Variants in ARL6IP6 observed in about 807,000 individuals in gnomAD.
ARL6IP6 encodes the protein ARF like GTPase 6 interacting protein 6.
Under a neutral mutation model 21.5 loss-of-function variants are expected in ARL6IP6, and 22 were observed. The ratio of observed to expected loss-of-function variants is 1.02; its 90% CI spans 0.73 to 1.46. ARL6IP6 has a LOEUF of 1.46. Among genes scored for constraint, ARL6IP6 ranks in the 40% most tolerant of loss-of-function variants. The pLI, the probability that ARL6IP6 is intolerant of heterozygous loss-of-function variation, is 0.00. For missense variants in ARL6IP6, 388 were observed against 299.8 expected, an observed-to-expected ratio of 1.29 and a Z score of -2.17; for synonymous variants, 164 against 125.3, an observed-to-expected ratio of 1.31 and a Z score of -2.06.
intron 2 of ARL6IP6, among the ~76,000 whole-genome samples, chr2:152,725,855 T>C (rs1026333125): frequency 1.3e-5 from 2 of 152,236 alleles, no homozygotes; most frequent in Non-Finnish European, 2.9e-5. Flanking sequence ...TATTTATTTC[T>C]TATGAAAATT....
chr2:152,753,427 T>C (rs1701430360), intron 3 of ARL6IP6, among the ~76,000 whole-genome samples: 1 of 152,178 alleles, frequency 6.6e-6, no homozygotes, highest in South Asian at 2.1e-4. Context: ...TCAGATGCCT[T>C]TTTTATTTCT....
At chr2:152,751,723 T>C (rs1035432221) in intron 3 of ARL6IP6, among the ~76,000 whole-genome samples, 7 of 152,230 alleles carry the variant, frequency 4.6e-5, no homozygotes, top group African/African-American at 1.4e-4. Context: ...TTTTAATGGC[T>C]GAATAGTATT....
intron 2 of ARL6IP6, among the ~76,000 whole-genome samples, chr2:152,723,671 A>C (rs920332954): frequency 2.0e-5 from 3 of 152,230 alleles, no homozygotes; most frequent in African/African-American, 7.2e-5. Flanking sequence ...GGCAGTCAGT[A>C]AGAACAGATT....
intron 2 of ARL6IP6, among the ~76,000 whole-genome samples, chr2:152,734,608 A>G (rs1700471041): frequency 6.6e-6 from 1 of 152,138 alleles, no homozygotes; most frequent in East Asian, 1.9e-4. Context: ...CTCCCACCTC[A>G]GTCTCCCAAA....
intron 3 of ARL6IP6, among the ~76,000 whole-genome samples, chr2:152,755,574 CCTCTCTCT>C (rs529946133): frequency 7.9e-5 from 12 of 151,906 alleles, no homozygotes; most frequent in Admixed American, 2.0e-4. Context: ...TCTCTCTCTT[CCTCTCTCT>C]CTCTGCCTTG....
intron 3 of ARL6IP6, among the ~76,000 whole-genome samples, chr2:152,739,427 C>G (rs1456869917): frequency 6.6e-6 from 1 of 152,230 alleles, no homozygotes; most frequent in Non-Finnish European, 1.5e-5. Context: ...TGCTCCCAGT[C>G]TCTTTGCTAA....
At chr2:152,759,117 A>G (rs1447485591) in intron 3 of ARL6IP6, among the ~76,000 whole-genome samples, 1 of 152,156 alleles carries the variant, frequency 6.6e-6, no homozygotes, top group Non-Finnish European at 1.5e-5. Flanking sequence ...AAAGGAAACA[A>G]ATGTCAGGGA....
At chr2:152,744,151 A>T (rs1700939903) in intron 3 of ARL6IP6, among the ~76,000 whole-genome samples, 2 of 152,156 alleles carry the variant, frequency 1.3e-5, no homozygotes, top group African/African-American at 4.8e-5. Flanking sequence ...GAAAGGCATG[A>T]TTTAAAATTT....
chr2:152,759,880 G>T lies in ARL6IP6; in HGVS notation c.*40G>T. ...GATATTGTTGGCAAAACTTAATCAT[G>T]ATTGTTTTGTAATAACAAGAAGGAG... is the stretch of plus-strand genomic sequence containing the variant. On this transcript the variant is annotated 3_prime_UTR_variant, in exon 4 of 4. Coordinates refer to ENST00000326446, the MANE Select transcript of ARL6IP6 (RefSeq NM_152522.7). 1 of 1,529,346 alleles carries T rather than the reference G, an allele frequency of 6.5e-7. No individual in the cohort carries two copies. The highest frequency in any genetic ancestry group is 9.1e-7 in the Non-Finnish European group (1 of 1,104,026). The allele number at this position is 1,529,346 out of a possible 1,614,324, so 94.7% of individuals were successfully genotyped here. A position where few individuals can be genotyped will look rare whatever the true frequency, so the allele number is the denominator to read the frequency against.
At chr2:152,738,031 T>G (rs1221762971) in intron 3 of ARL6IP6, among the ~76,000 whole-genome samples, 3 of 152,122 alleles carry the variant, frequency 2.0e-5, no homozygotes, top group Non-Finnish European at 4.4e-5. Context: ...ACAATGGCGG[T>G]ACAAGCACTG....
In ARL6IP6 at chr2:152,761,587, G is replaced by A. The variant is rs1701846519; in HGVS notation, c.*1747G>A. ...TCATGTGCCATATAACAACGTTTTG[G>A]TCACAACGAACTGTACTTATGATAG... On this transcript the variant is annotated 3_prime_UTR_variant, in exon 4 of 4. Transcript: ENST00000326446. Among the ~76,000 whole-genome samples the A allele has an allele frequency of 6.6e-6, 1 of 152,076 alleles. No homozygotes were observed. The highest frequency in any genetic ancestry group is 1.5e-5 in the Non-Finnish European group (1 of 68,028).
chr2:152,753,762 C>T (rs896903367), intron 3 of ARL6IP6, among the ~76,000 whole-genome samples: 2 of 145,418 alleles, frequency 1.4e-5, no homozygotes, highest in Non-Finnish European at 3.0e-5. Flanking sequence ...TGCAGTGGCG[C>T]GATCTCAGCT....
At chr2:152,746,388 A>G (rs889110121) in intron 3 of ARL6IP6, among the ~76,000 whole-genome samples, 6 of 152,168 alleles carry the variant, frequency 3.9e-5, no homozygotes, top group African/African-American at 1.4e-4. Flanking sequence ...AAGTGTCCAT[A>G]TGCCCAGAGC....
chr2:152,734,523 C>T (rs112817247), intron 2 of ARL6IP6, among the ~76,000 whole-genome samples: 6,334 of 152,154 alleles, frequency 0.042, 279 homozygotes, highest in African/African-American at 0.11. Context: ...CGGGGTTTCA[C>T]TCTGTCTCCC....
intron 2 of ARL6IP6, among the ~76,000 whole-genome samples, chr2:152,726,146 G>GTT (rs71394500): frequency 5.8e-4 from 87 of 149,404 alleles, no homozygotes; most frequent in African/African-American, 1.6e-3. Flanking sequence ...AAAGTGTTGG[G>GTT]TTTTTTTTTT....
In ARL6IP6 at chr2:152,735,070, T is replaced by A. The variant is rs775485483; in HGVS notation, c.531T>A (p.Phe177Leu). The change falls in exon 3 of 4, where the codon TTT becomes TTA. Residue 177 changes from phenylalanine to leucine, a missense_variant. Phe to Leu is a conservative substitution (Grantham distance 22, BLOSUM62 0). Coordinates refer to ENST00000326446, the MANE Select transcript of ARL6IP6 (RefSeq NM_152522.7). Reference protein sequence around the residue: ...CCSFSWTVTYFDSFEPGMFPP... With the variant: ...CCSFSWTVTYLDSFEPGMFPP... The stretch of plus-strand genomic sequence containing the variant: ...GCTTTTCTTGGACAGTGACTTACTT[T>A]GATTCTTTTGAACCAGGAATGTTTC... 1 of 1,613,712 alleles carries A rather than the reference T, an allele frequency of 6.2e-7. No homozygotes were observed. The highest frequency in any genetic ancestry group is 1.1e-5 in the South Asian group (1 of 91,062).
chr2:152,727,491 A>G (rs1700099701), intron 2 of ARL6IP6, among the ~76,000 whole-genome samples: 1 of 152,210 alleles, frequency 6.6e-6, no homozygotes, highest in African/African-American at 2.4e-5. Context: ...AGTGGACAGT[A>G]GTGTCCTTGG....
chr2:152,738,812 C>G (rs1214858759), intron 3 of ARL6IP6, among the ~76,000 whole-genome samples: 1 of 152,090 alleles, frequency 6.6e-6, no homozygotes, highest in Admixed American at 6.5e-5. Flanking sequence ...ACATTTGGCT[C>G]CTCATTATTT....
chr2:152,719,750 G>GAAAA (rs11328553), intron 1 of ARL6IP6: 16 of 255,154 alleles, frequency 6.3e-5, no homozygotes, highest in South Asian at 1.7e-4. Context: ...CCAAGTTACT[G>GAAAA]AAAAAAAAAA....
Sources: gnomAD v4.1 joint callset for allele counts (sites outside exome capture counted in the v4.1 genomes callset) on GRCh38, gnomAD v4.1.1 for gene constraint, MANE v1.5 for transcripts, NCBI Gene and HGNC (gene_info 2026-07-23, HGNC 2026-07-21) for gene names.